Variants in KALRN observed in about 807,000 individuals in gnomAD.
KALRN encodes the protein kalirin.
In KALRN, 70 loss-of-function variants were observed where a neutral mutation model predicts 353.7. The ratio of observed to expected loss-of-function variants is 0.20; its 90% CI spans 0.16 to 0.24. The LOEUF (loss-of-function observed/expected upper bound fraction) is 0.24. Among genes scored for constraint, KALRN ranks in the 10% least tolerant of loss-of-function variants. The pLI, the probability that KALRN is intolerant of heterozygous loss-of-function variation, is 1.00. For missense variants in KALRN, 2,791 were observed against 3,756.7 expected, an observed-to-expected ratio of 0.74 and a Z score of 6.72; for synonymous variants, 1,391 against 1,434.8, an observed-to-expected ratio of 0.97 and a Z score of 0.69.
chr3:124,282,442 A>G (rs2075445634), intron 5 of KALRN, among the ~76,000 whole-genome samples: 1 of 150,864 alleles, frequency 6.6e-6, no homozygotes, highest in Middle Eastern at 3.2e-3. Flanking sequence ...CAATGGCACA[A>G]TCTTGGCTCA....
chr3:124,309,378 G>A (rs9861401), intron 6 of KALRN, among the ~76,000 whole-genome samples: 31,179 of 151,972 alleles, frequency 0.21, 3,313 homozygotes, highest in South Asian at 0.29. Flanking sequence ...TGGATGCAAA[G>A]ATTTCCAACA....
chr3:124,473,228 A>G (rs2061111570), intron 25 of KALRN, among the ~76,000 whole-genome samples: 1 of 152,254 alleles, frequency 6.6e-6, no homozygotes, highest in Admixed American at 6.5e-5. Flanking sequence ...AAATGCGTGG[A>G]CAATAGAAGC....
chr3:124,083,624 G>T (rs1013620913), intron 1 of KALRN, among the ~76,000 whole-genome samples: 8 of 152,198 alleles, frequency 5.3e-5, no homozygotes, highest in African/African-American at 1.7e-4. Flanking sequence ...CCATTTTACA[G>T]AAAACGGAGG....
At chr3:124,332,650 A>G (rs2080707598) in intron 8 of KALRN, among the ~76,000 whole-genome samples, 1 of 152,140 alleles carries the variant, frequency 6.6e-6, no homozygotes, top group Non-Finnish European at 1.5e-5. Flanking sequence ...TCCAATGAGA[A>G]GAATGGCAGA....
chr3:124,296,480 A>G (rs1482524202), intron 5 of KALRN, among the ~76,000 whole-genome samples: 1 of 152,190 alleles, frequency 6.6e-6, no homozygotes, highest in African/African-American at 2.4e-5. Flanking sequence ...CCCGTAATCC[A>G]GGACTCCGGG....
intron 32 of KALRN, among the ~76,000 whole-genome samples, chr3:124,495,216 C>T (rs2063574812): frequency 6.6e-6 from 1 of 152,274 alleles, no homozygotes; most frequent in Admixed American, 6.5e-5. Context: ...GCTGTGGAAC[C>T]TGTGACTGTT....
chr3:124,503,252 G>A (rs2064813376), intron 33 of KALRN, among the ~76,000 whole-genome samples: 1 of 152,174 alleles, frequency 6.6e-6, no homozygotes, highest in African/African-American at 2.4e-5. Flanking sequence ...GCCTGGAGTA[G>A]ATATATCTGA....
At chr3:124,527,524 G>C (rs1474507479) in intron 33 of KALRN, among the ~76,000 whole-genome samples, 1 of 151,828 alleles carries the variant, frequency 6.6e-6, no homozygotes, top group Non-Finnish European at 1.5e-5. Flanking sequence ...CAGGAGAATC[G>C]CTTGAAACCA....
intron 1 of KALRN, among the ~76,000 whole-genome samples, chr3:124,035,444 G>C (rs1236655660): frequency 6.6e-6 from 1 of 152,084 alleles, no homozygotes; most frequent in Non-Finnish European, 1.5e-5. Flanking sequence ...CCCAACTGGG[G>C]CAAAAGTCTG....
chr3:124,172,688 G>T (rs2150125307), intron 1 of KALRN, among the ~76,000 whole-genome samples: 1 of 152,194 alleles, frequency 6.6e-6, no homozygotes, highest in East Asian at 1.9e-4. Context: ...CTGGGCCTGT[G>T]TAGGTGCACA....
Position 124,136,497 on chromosome 3 carries a change from C to G in KALRN, c.74-91493C>G, listed in dbSNP as rs148659688. 7.5e-3 allele frequency among the ~76,000 whole-genome samples: 1,149 copies of G among 152,224 alleles called. 7 individuals are homozygous for G. Among genetic ancestry groups the G allele is most frequent in the Admixed American group, 0.013 (197 of 15,278 alleles). On this transcript the variant is annotated intron_variant, in intron 1 of 59. Coordinates refer to ENST00000682506, the MANE Select transcript of KALRN (RefSeq NM_001388419.1). ...TTACCAAATTGCCAAGGTCCCCCCC[C>G]CATTGATTGGAATCAGGATTTGAAT... is the stretch of plus-strand genomic sequence containing the variant.
At chr3:124,590,893 C>A (rs749492397) in intron 34 of KALRN, among the ~76,000 whole-genome samples, 16 of 152,256 alleles carry the variant, frequency 1.1e-4, no homozygotes, top group South Asian at 8.3e-4. Flanking sequence ...GGAGATCCAG[C>A]CTTTTAGTAG....
At chr3:124,676,954 A>G (rs948830009) in intron 49 of KALRN, among the ~76,000 whole-genome samples, 5 of 152,230 alleles carry the variant, frequency 3.3e-5, no homozygotes, top group Non-Finnish European at 7.3e-5. Flanking sequence ...ATTCAAGAAT[A>G]TTACTGTGAT....
At chr3:124,246,636 G>A (rs1473285060) in intron 3 of KALRN, among the ~76,000 whole-genome samples, 1 of 152,146 alleles carries the variant, frequency 6.6e-6, no homozygotes, top group East Asian at 1.9e-4. Flanking sequence ...CAGCAATGTT[G>A]AATGAGCCTG....
At chr3:124,442,924 A>C (rs1048606369) in intron 19 of KALRN, among the ~76,000 whole-genome samples, 1 of 152,158 alleles carries the variant, frequency 6.6e-6, no homozygotes, top group African/African-American at 2.4e-5. Context: ...TGGAGGCTGC[A>C]GTGAGCCATG....
chr3:124,399,459 C>T (rs536232953), intron 13 of KALRN, among the ~76,000 whole-genome samples: 12 of 152,246 alleles, frequency 7.9e-5, no homozygotes, highest in East Asian at 3.9e-4. Flanking sequence ...TATTGCTATC[C>T]GTTAGACTCT....
chr3:124,513,870 C>T (rs921566703), intron 33 of KALRN, among the ~76,000 whole-genome samples: 20 of 152,250 alleles, frequency 1.3e-4, no homozygotes, highest in Non-Finnish European at 2.4e-4. Context: ...CATCGCTGAC[C>T]GCTCAGCCAG....
In KALRN at chr3:124,639,441, C is replaced by T. The variant is rs149387040; in HGVS notation, c.5664+2138C>T. Among the ~76,000 whole-genome samples, 72 of 152,234 alleles carry T rather than the reference C, an allele frequency of 4.7e-4. No individual in the cohort carries two copies. In the East Asian group the frequency reaches 0.01, roughly 21 times the overall value. ...TCATTTAGGATATTATTATTTTTTG[C>T]TCTATTAGTATAAAAAAGTCTTTTA... On this transcript the variant is annotated intron_variant, in intron 37 of 59. Coordinates refer to ENST00000682506, the MANE Select transcript of KALRN (RefSeq NM_001388419.1).
chr3:124,161,820 C>T (rs940913996), intron 1 of KALRN, among the ~76,000 whole-genome samples: 8 of 152,212 alleles, frequency 5.3e-5, no homozygotes, highest in African/African-American at 1.9e-4. Context: ...AGTATGATTA[C>T]TGCTTGAGGG....
Sources: allele counts gnomAD v4.1 joint callset (sites outside exome capture counted in the v4.1 genomes callset), GRCh38; gene constraint gnomAD v4.1.1; transcripts MANE v1.5; gene names NCBI Gene and HGNC (gene_info 2026-07-23, HGNC 2026-07-21).